The following HDAC7 variants were observed in gnomAD, a reference collection of about 807,000 sequenced individuals.
HDAC7 encodes the protein histone deacetylase 7, also known as histone deacetylase 7A.
A neutral mutation model predicts 115.5 loss-of-function variants in HDAC7; 26 were observed. The ratio of observed to expected loss-of-function variants is 0.23; its 90% CI spans 0.16 to 0.31. The LOEUF is 0.31. Among genes scored for constraint, HDAC7 ranks in the 10% least tolerant of loss-of-function variants. The probability of loss-of-function intolerance (pLI) is 1.00; values close to 1 mark genes in which losing one functional copy is unlikely to be tolerated. For missense variants in HDAC7, 1,068 were observed against 1,329.0 expected (o/e 0.80, Z 3.05); for synonymous variants, 564 against 550.9 (o/e 1.02, Z -0.33).
intron 16 of HDAC7, chr12:47,791,023 A>C: frequency 1.8e-6 from 1 of 570,668 alleles, no homozygotes; most frequent in East Asian, 2.9e-5. Flanking sequence ...TCTACCAGAC[A>C]CCTTCTAGGG....
rs1318105894 is a variant in HDAC7 at position 47,797,014 on chromosome 12, C to T, written c.703+3G>A. The T allele has an allele frequency of 1.3e-6, 2 of 1,541,646 alleles. No homozygotes were observed. Among genetic ancestry groups the T allele is most frequent in the Middle Eastern group, 3.8e-4 (2 of 5,236 alleles). On this transcript the variant is annotated splice_donor_region_variant and intron_variant, in intron 7 of 25. Coordinates refer to ENST00000080059, the MANE Select transcript of HDAC7 (RefSeq NM_015401.5). The surrounding 1 kb of genome is among the most constrained non-coding windows in gnomAD (Gnocchi z 5.5). Reference sequence around the variant, plus strand: ...CAACCGCACTGGCTCAGCCGGCCCTCACCTCCGAGGGTCTCTGCGGGCCGC... The same window carrying T: ...CAACCGCACTGGCTCAGCCGGCCCTTACCTCCGAGGGTCTCTGCGGGCCGC...
chr12:47,786,503 T>A (rs1435963704), intron 22 of HDAC7, 82 bp downstream of exon 22: 1 of 980,306 alleles, frequency 1.0e-6, no homozygotes, highest in Non-Finnish European at 1.6e-6. Flanking sequence ...CACCTTCCCT[T>A]TCTGACTTGG....
chr12:47,801,507 C>T (rs1376451166), intron 2 of HDAC7, among the ~76,000 whole-genome samples: 2 of 152,154 alleles, frequency 1.3e-5, no homozygotes, highest in African/African-American at 2.4e-5. Flanking sequence ...TGTGCTTCCT[C>T]CCTAACCTGC....
At chr12:47,800,392 A>G (rs1372227380) in intron 2 of HDAC7, among the ~76,000 whole-genome samples, 3 of 152,180 alleles carry the variant, frequency 2.0e-5, no homozygotes, top group African/African-American at 7.2e-5. Flanking sequence ...ATTAAAGGGC[A>G]TTCACTCTAA....
intron 1 of HDAC7, among the ~76,000 whole-genome samples, chr12:47,810,579 T>TTACCATTTTAAAGTG (rs1944608779): frequency 6.6e-6 from 1 of 152,196 alleles, no homozygotes; most frequent in Non-Finnish European, 1.5e-5. Context: ...AATGTACATT[T>TTACCATTTTAAAGTG]TACCATTTTA....
intron 1 of HDAC7, among the ~76,000 whole-genome samples, chr12:47,815,158 G>A (rs1238818334): frequency 6.6e-6 from 1 of 152,196 alleles, no homozygotes; most frequent in African/African-American, 2.4e-5. Flanking sequence ...GACCTTTAGG[G>A]ATGACACTCA....
chr12:47,784,721 G>A, intron 24 of HDAC7: 1 of 1,535,492 alleles, frequency 6.5e-7, no homozygotes, highest in Non-Finnish European at 8.7e-7. Context: ...CTGCATGGGT[G>A]CCCAGGCCAG....
At chr12:47,796,422 CTTTCTT>C in intron 7 of HDAC7, 124 bp from the exon 8 acceptor site, 2 of 566,882 alleles carry the variant, frequency 3.5e-6, no homozygotes, top group South Asian at 2.3e-5. Context: ...TTGCTTCCTG[CTTTCTT>C]TTTTTTTTTT....
At position 47,783,495 on chromosome 12, in the gene HDAC7, G is replaced by A; in HGVS notation, c.*346C>T. On this transcript the variant is annotated 3_prime_UTR_variant, in exon 26 of 26. Coordinates refer to ENST00000080059, the MANE Select transcript of HDAC7 (RefSeq NM_015401.5). ...TCTGGGGTTTGCAGAGCCAGGAATA[G>A]TGGTTAAGGGTGAGCCCGACGGAGC... The A allele has an allele frequency of 3.3e-6, 1 of 306,096 alleles. No homozygotes were observed. Among genetic ancestry groups the A allele is most frequent in the Non-Finnish European group, 6.4e-6 (1 of 157,204 alleles). 19.0% of individuals were successfully genotyped at this position (306,096 alleles called of 1,614,324 possible). A position where few individuals can be genotyped will look rare whatever the true frequency, so the allele number is the denominator to read the frequency against.
rs1316361767 is a variant in HDAC7 at position 47,783,870 on chromosome 12, C to T, written c.2947G>A (p.Val983Met). 6.2e-7 allele frequency: 1 copy of T among 1,612,224 alleles called. No individual in the cohort carries two copies. Among genetic ancestry groups the T allele is most frequent in the Non-Finnish European group, 8.5e-7 (1 of 1,179,596 alleles). ...AGATTCATAGGTTCTTCCTCCTCCA[C>T]CAGCTGCTCCGAGGGCCTGTGGGGA... The part of the protein sequence containing the change: ...LAEDRPSEQL[V>M]EEEEPMNL Residue 983 changes from valine (V) to methionine (M), a missense_variant, in exon 26 of 26, where the codon GTG (valine) becomes ATG (methionine). Physicochemically the swap from Val to Met is conservative, Grantham distance 21 (BLOSUM62 1). This residue lies in a region of HDAC7 where 98 missense variants were observed against 123.9 expected (regional missense o/e 0.79). Coordinates refer to ENST00000080059, the MANE Select transcript of HDAC7 (RefSeq NM_015401.5).
chr12:47,784,891 A>G (rs2136897276), intron 24 of HDAC7: 2 of 892,784 alleles, frequency 2.2e-6, no homozygotes, highest in East Asian at 5.3e-5. Context: ...TATTTTACTC[A>G]TTTTTATCCC....
At chr12:47,789,425 C>A (rs1342706240) in intron 18 of HDAC7, 77 bp from the exon 19 acceptor site, 2 of 1,581,184 alleles carry the variant, frequency 1.3e-6, no homozygotes, top group African/African-American at 2.7e-5. Context: ...GTTGGCCCAG[C>A]CTGAGAAAGC....
intron 1 of HDAC7, among the ~76,000 whole-genome samples, chr12:47,811,112 C>T (rs1944646182): frequency 6.6e-6 from 1 of 152,172 alleles, no homozygotes; most frequent in South Asian, 2.1e-4. Flanking sequence ...AATCCTGACA[C>T]TCACAGGGAT....
Position 47,798,010 on chromosome 12 carries a change from T to C in HDAC7, c.461+98A>G, listed in dbSNP as rs1378809159. 1.2e-6 allele frequency: 1 copy of C among 806,044 alleles called. No homozygotes were observed. Among genetic ancestry groups the C allele is most frequent in the East Asian group, 2.6e-5 (1 of 38,926 alleles). 49.9% of individuals were successfully genotyped at this position (806,044 alleles called of 1,614,324 possible). ...AAGGGTAAGGACTGGTTGTGGCAAC[T>C]GGGGAGGAAGGAGGCAAGTGTGTGT... is the stretch of plus-strand genomic sequence containing the variant. On this transcript the variant is annotated intron_variant, in intron 5 of 25. Coordinates refer to ENST00000080059, the MANE Select transcript of HDAC7 (RefSeq NM_015401.5). The surrounding 1 kb of genome is among the most constrained non-coding windows in gnomAD (Gnocchi z 4.3).
At chr12:47,816,493 C>T (rs866801040) in intron 1 of HDAC7, among the ~76,000 whole-genome samples, 1 of 152,090 alleles carries the variant, frequency 6.6e-6, no homozygotes, top group Non-Finnish European at 1.5e-5. Context: ...ACAAATTGCC[C>T]GGAACCACCA....
At chr12:47,786,145 T>C (rs1409373655) in intron 22 of HDAC7, 13 of 494,778 alleles carry the variant, frequency 2.6e-5, no homozygotes, top group East Asian at 2.1e-4. Flanking sequence ...ACTTGGGTCA[T>C]TGACTCTAGC....
intron 1 of HDAC7, among the ~76,000 whole-genome samples, chr12:47,807,821 CAG>C (rs1043558069): frequency 3.9e-5 from 6 of 152,210 alleles, no homozygotes; most frequent in South Asian, 2.1e-4. Context: ...GTGCTGGAAA[CAG>C]GGGGCTGGCA....
rs577419391 is a variant in HDAC7 at position 47,797,855 on chromosome 12, G to GGGGTGTGTGTGTGT, written c.461+252_461+253insACACACACACACCC. On this transcript the variant is annotated intron_variant, in intron 5 of 25. Coordinates refer to ENST00000080059, the MANE Select transcript of HDAC7 (RefSeq NM_015401.5). The surrounding 1 kb of genome is among the most constrained non-coding windows in gnomAD (Gnocchi z 5.5). The stretch of plus-strand genomic sequence containing the variant: ...TCATGTGCAAGAAAAAAGCCAGTAG[G>GGGGTGTGTGTGTGT]GTGTGTGTGTGTGTGTGTGTGTGTG... Among the ~76,000 whole-genome samples, 11 of 123,878 alleles carry GGGGTGTGTGTGTGT rather than the reference G, an allele frequency of 8.9e-5. No individual in the cohort carries two copies. Among genetic ancestry groups the GGGGTGTGTGTGTGT allele is most frequent in the Admixed American group, 1.6e-4 (2 of 12,438 alleles). The allele number at this position is 123,878 out of a possible 152,430, so 81.3% of individuals were successfully genotyped here. A position where few individuals can be genotyped will look rare whatever the true frequency, so the allele number is the denominator to read the frequency against.
At chr12:47,802,086 G>A (rs1944191922) in intron 2 of HDAC7, 138 bp downstream of exon 2, 4 of 872,564 alleles carry the variant, frequency 4.6e-6, no homozygotes, top group Non-Finnish European at 7.1e-6. Flanking sequence ...CCCCTCCCTG[G>A]AGCCGCCACC....
Sources: gnomAD v4.1 joint callset for allele counts (sites outside exome capture counted in the v4.1 genomes callset) on GRCh38, gnomAD v4.1.1 for gene constraint, gnomAD v4.1.1 regional missense constraint, Gnocchi (gnomAD v3.1) non-coding constraint, MANE v1.5 for transcripts, NCBI Gene and HGNC (gene_info 2026-07-23, HGNC 2026-07-21) for gene names.